LMO7: variants seen among roughly 807,000 people sequenced by gnomAD.
The protein encoded by LMO7 is LIM domain 7.
In LMO7, 120 loss-of-function variants were observed where a neutral mutation model predicts 206.5. The ratio of observed to expected loss-of-function variants is 0.58; its 90% CI spans 0.50 to 0.68. LMO7 has a LOEUF of 0.68. Among genes scored for constraint, LMO7 ranks in the 30% least tolerant of loss-of-function variants. The pLI is 0.00. For missense variants in LMO7, 1,959 were observed against 1,957.9 expected, an observed-to-expected ratio of 1.00 and a Z score of -0.01; for synonymous variants, 706 against 681.5, an observed-to-expected ratio of 1.04 and a Z score of -0.56.
intron 3 of LMO7, among the ~76,000 whole-genome samples, chr13:75,747,454 C>T (rs562486890): frequency 4.6e-5 from 7 of 152,264 alleles, no homozygotes; most frequent in Admixed American, 6.5e-5. Context: ...GCCTGTAACA[C>T]GAGAAGTTAG....
chr13:75,832,989 AGACT>A (rs2058803836), intron 15 of LMO7, 58 bp from the exon 16 acceptor site: 3 of 865,342 alleles, frequency 3.5e-6, no homozygotes, highest in Admixed American at 1.7e-5. Flanking sequence ...TTTCATGGAT[AGACT>A]TTCCTCCATG....
At position 75,804,810 on chromosome 13, in the gene LMO7, T is replaced by A. The variant is rs2055228185; in HGVS notation, c.914+269T>A. 3 of 1,153,474 alleles carry A rather than the reference T, an allele frequency of 2.6e-6. No homozygotes were observed. The East Asian group carries it at 1.3e-4, about 51-fold the overall frequency. 71.5% of individuals were successfully genotyped at this position (1,153,474 alleles called of 1,614,324 possible). ...ATTTTTCAGCTTACCAGATAATTTG[T>A]ATTGTTCATGATGAGCCATGCCATG... is the stretch of plus-strand genomic sequence containing the variant. On this transcript the variant is annotated intron_variant, in intron 8 of 30. Coordinates refer to ENST00000377534, the MANE Select transcript of LMO7 (RefSeq NM_001306080.2).
rs9593132 is a variant in LMO7 at position 75,821,484 on chromosome 13, C to A, written c.2515C>A (p.Arg839Ser). The A allele has an allele frequency of 2.5e-6, 4 of 1,614,072 alleles. No homozygotes were observed. In the Admixed American group the frequency reaches 6.7e-5, roughly 27 times the overall value. Residue 839 changes from arginine (R) to serine (S), a missense_variant, in exon 14 of 31, where the codon CGT (arginine) becomes AGT (serine). By Grantham distance (110) the Arg-to-Ser change is moderately radical (BLOSUM62 -1). Transcript: ENST00000377534. ...ACGGAGCACACAAATGGAATCAACTCGTGTTTCAGCTTCTCTCCCCAGAAG... is the reference window on the plus strand; with the variant it reads ...ACGGAGCACACAAATGGAATCAACTAGTGTTTCAGCTTCTCTCCCCAGAAG... ...RSRSTQMEST[R>S]VSASLPRSYR...
chr13:75,711,647 G>C (rs2043135456), intron 1 of LMO7, among the ~76,000 whole-genome samples: 1 of 152,226 alleles, frequency 6.6e-6, no homozygotes, highest in Non-Finnish European at 1.5e-5. Flanking sequence ...TCCCCAGTGA[G>C]AGGAAGCCAG....
intron 1 of LMO7, among the ~76,000 whole-genome samples, chr13:75,650,243 C>T (rs1641366597): frequency 6.6e-6 from 1 of 152,104 alleles, no homozygotes; most frequent in South Asian, 2.1e-4. Flanking sequence ...GATTCTCCTG[C>T]CTCAGCCTCC....
intron 4 of LMO7, among the ~76,000 whole-genome samples, chr13:75,793,572 G>A (rs774307005): frequency 5.3e-5 from 8 of 152,148 alleles, no homozygotes; most frequent in Non-Finnish European, 1.0e-4. Flanking sequence ...CATTGCACCC[G>A]GCCATTGCTG....
chr13:75,730,557 T>C (rs927930359), intron 3 of LMO7, among the ~76,000 whole-genome samples: 1 of 151,368 alleles, frequency 6.6e-6, no homozygotes, highest in Non-Finnish European at 1.5e-5. Flanking sequence ...CTATCAATTT[T>C]GTTGATCCTT....
upstream of LMO7, among the ~76,000 whole-genome samples, chr13:75,634,433 AAAAAACTT>A (rs967830728): frequency 2.8e-5 from 3 of 107,684 alleles, no homozygotes; most frequent in Admixed American, 1.1e-4. Context: ...GCTGTCTCTT[AAAAAACTT>A]AAAAAACAAA....
chr13:75,620,920 C>T (rs1290991739), exon 1 of LMO7: 3 of 148,932 alleles, frequency 2.0e-5, no homozygotes, highest in African/African-American at 4.9e-5. Flanking sequence ...AGTGGCTGTA[C>T]AAAAAAAAAT....
At chr13:75,672,913 C>G (rs1457433772) in intron 1 of LMO7, among the ~76,000 whole-genome samples, 1 of 110,730 alleles carries the variant, frequency 9.0e-6, no homozygotes, top group Non-Finnish European at 2.3e-5. Flanking sequence ...TAATAGGTGA[C>G]TTGATATGTG....
At chr13:75,789,359 G>C (rs992183704) in intron 4 of LMO7, among the ~76,000 whole-genome samples, 2 of 152,128 alleles carry the variant, frequency 1.3e-5, no homozygotes, top group Non-Finnish European at 2.9e-5. Context: ...GGCAAAGCAT[G>C]GGGAGATCAG....
intron 15 of LMO7, among the ~76,000 whole-genome samples, chr13:75,826,541 G>A (rs574752103): frequency 5.9e-5 from 9 of 152,260 alleles, no homozygotes; most frequent in Admixed American, 3.9e-4. Context: ...AGTTCGTGGC[G>A]CTCAGGGAAG....
chr13:75,784,328 A>C (rs996313534), intron 4 of LMO7, among the ~76,000 whole-genome samples: 8 of 152,312 alleles, frequency 5.3e-5, no homozygotes, highest in Middle Eastern at 3.4e-3. Flanking sequence ...TAAACATGAG[A>C]TAAAGAGGCT....
intron 4 of LMO7, among the ~76,000 whole-genome samples, chr13:75,782,584 A>G (rs1001173627): frequency 2.0e-5 from 3 of 152,240 alleles, no homozygotes; most frequent in Non-Finnish European, 4.4e-5. Flanking sequence ...ACTTAAAACA[A>G]CACAAACTTA....
Position 75,805,660 on chromosome 13 carries a change from G to C in LMO7, c.1096G>C (p.Asp366His). The part of the protein sequence containing the change: ...PVMPNPGNAF[D>H]QFLPKCWTPE... ...CATGCCAAACCCAGGGAATGCTTTT[G>C]ATCAGTTTCTTCCCAAATGTTGGAC... is the stretch of plus-strand genomic sequence containing the variant. Residue 366 changes from aspartate to histidine, a missense_variant, in exon 9 of 31, where the codon GAT (aspartate) becomes CAT (histidine). Physicochemically the swap from Asp to His is moderately conservative, Grantham distance 81. Coordinates refer to ENST00000377534, the MANE Select transcript of LMO7 (RefSeq NM_001306080.2). 1 of 1,614,056 alleles carries C rather than the reference G, an allele frequency of 6.2e-7. No individual in the cohort carries two copies.
intron 2 of LMO7, among the ~76,000 whole-genome samples, chr13:75,721,527 A>AATTTTGTTTTAAACAAAACATT (rs2044016926): frequency 1.3e-5 from 2 of 152,208 alleles, no homozygotes; most frequent in Admixed American, 1.3e-4. Context: ...AAAGTAAGCA[A>AATTTTGTTTTAAACAAAACATT]ATTTTGTTTT....
Position 75,636,485 on chromosome 13 carries a change from C to G in LMO7, c.-173C>G. On this transcript the variant is annotated 5_prime_UTR_variant, in exon 1 of 31. Transcript: ENST00000377534. ...CGTTCGTGTAGGTTCGAGACCTTAACGAACTGCAGAGCGCAACAAAGGGAA... is the reference window on the plus strand; with the variant it reads ...CGTTCGTGTAGGTTCGAGACCTTAAGGAACTGCAGAGCGCAACAAAGGGAA... 3 of 1,456,142 alleles carry G rather than the reference C, an allele frequency of 2.1e-6. No individual in the cohort carries two copies. The allele number at this position is 1,456,142 out of a possible 1,614,324, so 90.2% of individuals were successfully genotyped here.
chr13:75,823,153 T>G (rs999654985), intron 14 of LMO7, among the ~76,000 whole-genome samples: 1 of 152,190 alleles, frequency 6.6e-6, no homozygotes, highest in African/African-American at 2.4e-5. Context: ...AAACATGTTC[T>G]CAGTTCATTT....
At position 75,636,722 on chromosome 13, in the gene LMO7, T is replaced by C. The variant is rs745646526; in HGVS notation, c.65T>C (p.Val22Ala). Residue 22 changes from valine to alanine, a missense_variant, in exon 1 of 31, where the codon GTG (valine) becomes GCG (alanine). Coordinates refer to ENST00000377534, the MANE Select transcript of LMO7 (RefSeq NM_001306080.2). Reference sequence around the variant, plus strand: ...GCGTTCGCTGAGGCTCAGAGATGGGTGGAGGTGAGTGCCTTTCACTGCTTT... The same window carrying C: ...GCGTTCGCTGAGGCTCAGAGATGGGCGGAGGTGAGTGCCTTTCACTGCTTT... ...SVAFAEAQRWVEAVTEKNFET... is the reference protein window; with the variant it reads ...SVAFAEAQRWAEAVTEKNFET... 2 of 1,605,806 alleles carry C rather than the reference T, an allele frequency of 1.2e-6. No individual in the cohort carries two copies. Among genetic ancestry groups the C allele is most frequent in the African/African-American group, 2.7e-5 (2 of 74,784 alleles).
Sources: allele counts gnomAD v4.1 joint callset (sites outside exome capture counted in the v4.1 genomes callset), GRCh38; gene constraint gnomAD v4.1.1; transcripts MANE v1.5; gene names NCBI Gene and HGNC (gene_info 2026-07-23, HGNC 2026-07-21).